The following CDIN1 variants were observed in gnomAD, a reference collection of about 807,000 sequenced individuals.
CDIN1 encodes the protein CDAN1 interacting nuclease 1.
CDIN1 carries 33 observed loss-of-function variants against 45.3 expected under a neutral mutation model. The observed-to-expected ratio is 0.73, with a 90% CI of 0.55 to 0.97. The LOEUF (loss-of-function observed/expected upper bound fraction) is 0.97, where lower values mean the gene tolerates loss of function less well. CDIN1 is among the 50% of genes least tolerant of loss of function. The pLI is 0.00. For missense variants in CDIN1, 303 were observed against 339.4 expected, an observed-to-expected ratio of 0.89 and a Z score of 0.84; for synonymous variants, 118 against 124.4, an observed-to-expected ratio of 0.95 and a Z score of 0.34.
chr15:36,620,305 G>C lies in CDIN1; in HGVS notation c.102-23973G>C, dbSNP rs1388151290. ...GGCGGAGCTTGCAGTGAGCCGAGAT[G>C]GCGCCACCGCACTCCAGCCTGGGCG... On this transcript the variant is annotated intron_variant, in intron 1 of 10. Transcript: ENST00000566621. 4.0e-5 allele frequency among the ~76,000 whole-genome samples: 6 copies of C among 151,894 alleles called. No individual in the cohort carries two copies. In the East Asian group the frequency reaches 9.7e-4, roughly 24 times the overall value.
intron 10 of CDIN1, among the ~76,000 whole-genome samples, chr15:36,773,911 A>G (rs1008068338): frequency 4.6e-5 from 7 of 152,254 alleles, no homozygotes; most frequent in Admixed American, 2.6e-4. Flanking sequence ...CCACTTGGCA[A>G]ATGTCTCCAG....
chr15:36,672,795 T>TA (rs145207767), intron 5 of CDIN1, among the ~76,000 whole-genome samples: 35,800 of 146,546 alleles, frequency 0.24, 4,401 homozygotes, highest in Admixed American at 0.35. Flanking sequence ...GTTACTTCTT[T>TA]AAAAAAAAAA....
At chr15:36,801,905 G>A (rs993035079) in intron 10 of CDIN1, among the ~76,000 whole-genome samples, 12 of 152,138 alleles carry the variant, frequency 7.9e-5, no homozygotes, top group African/African-American at 9.7e-5. Context: ...ACTTTTTAGC[G>A]TGAAACTATT....
chr15:36,604,423 A>ACACACACACACT (rs1205756620), intron 1 of CDIN1, among the ~76,000 whole-genome samples: 3 of 149,264 alleles, frequency 2.0e-5, no homozygotes, highest in African/African-American at 5.0e-5. Context: ...AAAGGTACAC[A>ACACACACACACT]CACACACACA....
At chr15:36,623,041 C>A (rs1328552545) in intron 1 of CDIN1, among the ~76,000 whole-genome samples, 1 of 152,164 alleles carries the variant, frequency 6.6e-6, no homozygotes, top group Admixed American at 6.5e-5. Context: ...GCAATGTAAG[C>A]TGTGGTTCTA....
chr15:36,688,048 A>G (rs1027003815), intron 5 of CDIN1, among the ~76,000 whole-genome samples: 3 of 152,270 alleles, frequency 2.0e-5, no homozygotes, highest in Non-Finnish European at 2.9e-5. Context: ...TGAAAAGTAT[A>G]TTTTAAAATA....
intron 10 of CDIN1, among the ~76,000 whole-genome samples, chr15:36,731,543 A>C (rs926580436): frequency 4.6e-5 from 7 of 152,144 alleles, no homozygotes; most frequent in African/African-American, 1.4e-4. Flanking sequence ...TATGTAACAC[A>C]AATACCATGG....
chr15:36,626,303 G>A (rs148259640), intron 1 of CDIN1, among the ~76,000 whole-genome samples: 1 of 150,840 alleles, frequency 6.6e-6, no homozygotes, highest in African/African-American at 2.4e-5. Context: ...ATCTGTAAGA[G>A]AAGCACAGTC....
chr15:36,799,215 T>TTCTC (rs2054924507), intron 10 of CDIN1: 1 of 118,130 alleles, frequency 8.5e-6, no homozygotes, highest in African/African-American at 2.9e-5. Context: ...ACATGAAGTG[T>TTCTC]TCTCTCGTTT....
chr15:36,799,793 A>G (rs980411704), intron 10 of CDIN1: 2 of 152,198 alleles, frequency 1.3e-5, no homozygotes, highest in African/African-American at 4.8e-5. Flanking sequence ...AGGTAAATGC[A>G]GAGGGGCTGA....
At chr15:36,711,033 A>T (rs891117069) in intron 10 of CDIN1, among the ~76,000 whole-genome samples, 2 of 151,902 alleles carry the variant, frequency 1.3e-5, no homozygotes, top group Non-Finnish European at 2.9e-5. Flanking sequence ...CTTTACAGGG[A>T]TGGAGGAGGA....
intron 1 of CDIN1, chr15:36,613,774 T>A (rs1052978934): frequency 7.5e-6 from 12 of 1,601,532 alleles, no homozygotes; most frequent in African/African-American, 1.3e-5. Flanking sequence ...CCTTAAAAGA[T>A]GAAGAAAAGA....
At chr15:36,647,023 CTTTTT>C (rs11433757) in intron 3 of CDIN1, among the ~76,000 whole-genome samples, 3 of 122,316 alleles carry the variant, frequency 2.5e-5, no homozygotes, top group African/African-American at 6.3e-5. Context: ...AAATAAATAT[CTTTTT>C]TTTTTTTTTT....
chr15:36,618,051 T>G (rs2038981029), intron 1 of CDIN1: 1 of 772,116 alleles, frequency 1.3e-6, no homozygotes, highest in Non-Finnish European at 2.4e-6. Context: ...GTCTATAGTA[T>G]TATTCCTCAG....
At position 36,719,753 on chromosome 15, in the gene CDIN1, TG is replaced by T. The variant is rs367790321; in HGVS notation, c.716+9794del. On this transcript the variant is annotated intron_variant, in intron 10 of 10. Coordinates refer to ENST00000566621, the MANE Select transcript of CDIN1 (RefSeq NM_001321759.2). Reference sequence around the variant, plus strand: ...TCCCCAGTCAAAGCATCTGGGCCTGTGGTATTTTTTTGGTGAAAGATTTTTA... The same window carrying T: ...TCCCCAGTCAAAGCATCTGGGCCTGTGTATTTTTTTGGTGAAAGATTTTTA... Among the ~76,000 whole-genome samples, 13 of 152,282 alleles carry T rather than the reference TG, an allele frequency of 8.5e-5. No homozygotes were observed. In the South Asian group the frequency reaches 2.1e-3, roughly 24 times the overall value.
chr15:36,595,759 C>T (rs890863851), intron 1 of CDIN1, among the ~76,000 whole-genome samples: 10 of 152,156 alleles, frequency 6.6e-5, no homozygotes, highest in African/African-American at 2.4e-4. Flanking sequence ...ACGCTGAAAA[C>T]GTGGGCTATG....
chr15:36,631,278 A>G (rs1354825072), intron 1 of CDIN1, among the ~76,000 whole-genome samples: 1 of 152,184 alleles, frequency 6.6e-6, no homozygotes, highest in African/African-American at 2.4e-5. Flanking sequence ...TTTATGTACC[A>G]TAAATTTCAC....
At chr15:36,757,578 A>C (rs2053640771) in intron 10 of CDIN1, among the ~76,000 whole-genome samples, 1 of 152,200 alleles carries the variant, frequency 6.6e-6, no homozygotes, top group African/African-American at 2.4e-5. Flanking sequence ...GAGGAGCGTG[A>C]TGAAACCTCA....
chr15:36,607,672 A>G (rs898418337), intron 1 of CDIN1, among the ~76,000 whole-genome samples: 3 of 152,006 alleles, frequency 2.0e-5, no homozygotes, highest in Non-Finnish European at 4.4e-5. Context: ...TGTACGTTAT[A>G]TAAGTATTCT....
Sources: gnomAD v4.1 joint callset for allele counts (sites outside exome capture counted in the v4.1 genomes callset) on GRCh38, gnomAD v4.1.1 for gene constraint, MANE v1.5 for transcripts, NCBI Gene and HGNC (gene_info 2026-07-23, HGNC 2026-07-21) for gene names.